SEMA3C: variants seen among roughly 807,000 people sequenced by gnomAD.
SEMA3C encodes the protein semaphorin 3C.
In SEMA3C, 47 loss-of-function variants were observed where a neutral mutation model predicts 89.4. The observed-to-expected ratio is 0.53, with a 90% confidence interval of 0.42 to 0.67. The LOEUF (loss-of-function observed/expected upper bound fraction) is 0.67. SEMA3C is among the 30% of genes least tolerant of loss of function. The pLI is 0.00. For missense variants in SEMA3C, 839 were observed against 929.1 expected (o/e 0.90, Z 1.26); for synonymous variants, 310 against 320.2 (o/e 0.97, Z 0.34).
chr7:80,812,660 C>T (rs1202190461), intron 5 of SEMA3C, among the ~76,000 whole-genome samples: 1 of 152,114 alleles, frequency 6.6e-6, no homozygotes, highest in Non-Finnish European at 1.5e-5. Context: ...TGTGGTCTAC[C>T]TAATAACTAT....
chr7:80,791,758 G>A (rs961793292), intron 11 of SEMA3C, among the ~76,000 whole-genome samples: 2 of 152,112 alleles, frequency 1.3e-5, no homozygotes, highest in African/African-American at 2.4e-5. Flanking sequence ...AACATGGGGG[G>A]CCAAACAAAA....
intron 15 of SEMA3C, 142 bp from the exon 16 acceptor site, chr7:80,751,478 C>A: frequency 1.5e-6 from 1 of 655,024 alleles, no homozygotes; most frequent in Non-Finnish European, 2.7e-6. Context: ...CTGATTGATG[C>A]AGCTATCTCA....
intron 2 of SEMA3C, among the ~76,000 whole-genome samples, chr7:80,848,794 C>G (rs984256565): frequency 5.6e-4 from 85 of 152,148 alleles, no homozygotes; most frequent in African/African-American, 2.0e-3. Context: ...ATTATTTATG[C>G]AAACTATGTA....
chr7:80,812,573 G>A (rs558696862), intron 5 of SEMA3C, among the ~76,000 whole-genome samples: 1 of 152,194 alleles, frequency 6.6e-6, no homozygotes, highest in East Asian at 1.9e-4. Flanking sequence ...AGGTTGTTTA[G>A]GTACCATTTG....
chr7:80,903,864 G>A (rs193091365), intron 2 of SEMA3C, among the ~76,000 whole-genome samples: 5 of 152,166 alleles, frequency 3.3e-5, no homozygotes, highest in African/African-American at 1.2e-4. Context: ...ATATTTTTGT[G>A]AGTGACAGGA....
chr7:80,845,577 C>T (rs1213769153), intron 2 of SEMA3C, among the ~76,000 whole-genome samples: 1 of 152,112 alleles, frequency 6.6e-6, no homozygotes, highest in African/African-American at 2.4e-5. Context: ...GCTGATTTTA[C>T]CTCTAAAATG....
chr7:80,855,265 T>C (rs1790610856), intron 2 of SEMA3C, among the ~76,000 whole-genome samples: 2 of 152,112 alleles, frequency 1.3e-5, no homozygotes, highest in Non-Finnish European at 2.9e-5. Context: ...TGGATGGTCA[T>C]TCCACATATG....
intron 4 of SEMA3C, among the ~76,000 whole-genome samples, chr7:80,820,054 C>CTT (rs768363975): frequency 0.15 from 18,667 of 123,956 alleles, 1,754 homozygotes; most frequent in Non-Finnish European, 0.2. Context: ...ATGTATGCTC[C>CTT]TTTTTTTTTT....
chr7:80,874,443 G>C (rs1791148853), intron 2 of SEMA3C, among the ~76,000 whole-genome samples: 1 of 98,574 alleles, frequency 1.0e-5, no homozygotes, highest in Non-Finnish European at 2.2e-5. Flanking sequence ...AAAGACCATA[G>C]CAAGTTATTT....
intron 2 of SEMA3C, among the ~76,000 whole-genome samples, chr7:80,878,733 A>C (rs1791260210): frequency 6.6e-6 from 1 of 152,164 alleles, no homozygotes; most frequent in Non-Finnish European, 1.5e-5. Flanking sequence ...GGAGGGAATT[A>C]GGGACTAGAA....
chr7:80,833,747 T>C (rs559784974), intron 2 of SEMA3C, among the ~76,000 whole-genome samples: 1 of 152,178 alleles, frequency 6.6e-6, no homozygotes, highest in African/African-American at 2.4e-5. Context: ...AATTGAACTA[T>C]ACGACTTGGG....
At chr7:80,762,590 G>A (rs1319596055) in intron 13 of SEMA3C, among the ~76,000 whole-genome samples, 2 of 152,068 alleles carry the variant, frequency 1.3e-5, no homozygotes, top group Non-Finnish European at 2.9e-5. Flanking sequence ...AGGCTGAGGC[G>A]GGCGGATCAC....
intron 8 of SEMA3C, 58 bp downstream of exon 8, chr7:80,804,048 T>A (rs1789277189): frequency 2.0e-6 from 3 of 1,479,232 alleles, no homozygotes; most frequent in Non-Finnish European, 2.7e-6. Context: ...AGCACGGAGA[T>A]AAACCATAAT....
intron 12 of SEMA3C, among the ~76,000 whole-genome samples, chr7:80,776,973 CAT>C (rs1424501872): frequency 5.9e-5 from 9 of 151,964 alleles, no homozygotes; most frequent in African/African-American, 2.2e-4. Flanking sequence ...TGATATATAT[CAT>C]AGATATGTGT....
At chr7:80,765,294 G>T (rs1402426862) in intron 12 of SEMA3C, 51 bp from the exon 13 acceptor site, 1 of 1,377,288 alleles carries the variant, frequency 7.3e-7, no homozygotes, top group South Asian at 1.2e-5. Flanking sequence ...TTAAAAGAAA[G>T]CTATTTAGAC....
chr7:80,902,118 A>G (rs1791895596), intron 2 of SEMA3C, among the ~76,000 whole-genome samples: 1 of 152,098 alleles, frequency 6.6e-6, no homozygotes, highest in South Asian at 2.1e-4. Context: ...GCACTCAACT[A>G]GTTTCTGTAT....
At chr7:80,745,862 A>G (rs1325860102) in intron 17 of SEMA3C, among the ~76,000 whole-genome samples, 1 of 152,180 alleles carries the variant, frequency 6.6e-6, no homozygotes, top group Non-Finnish European at 1.5e-5. Context: ...GCCTTTTTCA[A>G]TTATCCCAAA....
chr7:80,783,514 G>A (rs754825732), intron 12 of SEMA3C, among the ~76,000 whole-genome samples: 4 of 152,032 alleles, frequency 2.6e-5, no homozygotes, highest in African/African-American at 7.2e-5. Flanking sequence ...TTTTCCTTAC[G>A]CCAAAGCAAA....
intron 4 of SEMA3C, among the ~76,000 whole-genome samples, chr7:80,822,384 AAAATAAATAAAT>A (rs1432541453): frequency 6.9e-6 from 1 of 145,568 alleles, no homozygotes; most frequent in Non-Finnish European, 1.5e-5. Flanking sequence ...TCAGCAAAAA[AAAATAAATAAAT>A]AAAAATAAAT....
Sources: gnomAD v4.1 joint callset for allele counts (sites outside exome capture counted in the v4.1 genomes callset) on GRCh38, gnomAD v4.1.1 for gene constraint, MANE v1.5 for transcripts, NCBI Gene and HGNC (gene_info 2026-07-23, HGNC 2026-07-21) for gene names.